CWC27: variants seen among roughly 807,000 people sequenced by gnomAD.
The protein encoded by CWC27 is CWC27 spliceosome associated cyclophilin.
Under a neutral mutation model 63.6 loss-of-function variants are expected in CWC27, and 47 were observed. The observed-to-expected ratio is 0.74, with a 90% confidence interval of 0.58 to 0.94. The LOEUF (loss-of-function observed/expected upper bound fraction) is 0.94. CWC27 is among the 40% of genes least tolerant of loss of function. The pLI is 0.00. For synonymous variants in CWC27, 175 were observed against 179.8 expected (o/e 0.97, Z 0.22); for missense variants, 495 against 554.3 (o/e 0.89, Z 1.07).
At chr5:64,823,106 A>T (rs1435253462) in intron 10 of CWC27, among the ~76,000 whole-genome samples, 1 of 152,198 alleles carries the variant, frequency 6.6e-6, no homozygotes, top group Non-Finnish European at 1.5e-5. Context: ...CTGCTTCCTC[A>T]TCAGTAAAAT....
At chr5:64,959,930 C>T (rs1169336030) in intron 11 of CWC27, among the ~76,000 whole-genome samples, 1 of 152,154 alleles carries the variant, frequency 6.6e-6, no homozygotes, top group Non-Finnish European at 1.5e-5. Flanking sequence ...AGTTATGATA[C>T]GGTGTGCTTG....
intron 11 of CWC27, among the ~76,000 whole-genome samples, chr5:64,929,933 C>T (rs1748205293): frequency 6.6e-6 from 1 of 151,314 alleles, no homozygotes; most frequent in South Asian, 2.1e-4. Flanking sequence ...ATATTCACAG[C>T]AGCATTATTC....
At chr5:64,802,801 G>T (rs1580618124) in intron 9 of CWC27, among the ~76,000 whole-genome samples, 2 of 152,156 alleles carry the variant, frequency 1.3e-5, no homozygotes. Flanking sequence ...AGGTAATTTG[G>T]AGACATCTGT....
chr5:64,789,065 G>A, intron 7 of CWC27, 45 bp downstream of exon 7: 5 of 1,354,516 alleles, frequency 3.7e-6, no homozygotes, highest in Non-Finnish European at 5.2e-6. Flanking sequence ...AAAGAGATTG[G>A]GGTCTATATC....
intron 10 of CWC27, among the ~76,000 whole-genome samples, chr5:64,871,194 A>T (rs538736908): frequency 2.0e-5 from 3 of 152,308 alleles, no homozygotes; most frequent in Admixed American, 2.0e-4. Context: ...TGCTGATTTT[A>T]TGTCAGATTT....
intron 11 of CWC27, among the ~76,000 whole-genome samples, chr5:64,895,778 T>C (rs11740763): frequency 0.36 from 55,330 of 151,946 alleles, 10,660 homozygotes; most frequent in East Asian, 0.52. Flanking sequence ...ATGAAAAATA[T>C]AATAGTTAAC....
intron 8 of CWC27, among the ~76,000 whole-genome samples, chr5:64,800,970 G>T (rs1021180211): frequency 6.6e-5 from 10 of 151,940 alleles, no homozygotes; most frequent in Admixed American, 3.3e-4. Flanking sequence ...GGATTTGGGG[G>T]TTTTTTTAGT....
intron 8 of CWC27, 65 bp downstream of exon 8, chr5:64,800,392 T>C: frequency 8.2e-7 from 1 of 1,221,878 alleles, no homozygotes; most frequent in Non-Finnish European, 1.2e-6. Flanking sequence ...TTCTTGCTTC[T>C]TCTGTGAGTA....
chr5:64,810,502 TATTA>T (rs1485047195), intron 10 of CWC27, among the ~76,000 whole-genome samples: 1 of 152,176 alleles, frequency 6.6e-6, no homozygotes, highest in Admixed American at 6.6e-5. Flanking sequence ...GACATTTTAA[TATTA>T]ATTCTTGCAA....
At chr5:64,807,519 A>T (rs1457411840) in intron 10 of CWC27, 1 of 1,437,264 alleles carries the variant, frequency 7.0e-7, no homozygotes, top group Non-Finnish European at 9.1e-7. Flanking sequence ...CGGCACCCTT[A>T]TATCTATTCT....
intron 13 of CWC27, among the ~76,000 whole-genome samples, chr5:64,988,417 A>C (rs894178144): frequency 6.6e-6 from 1 of 152,136 alleles, no homozygotes; most frequent in Non-Finnish European, 1.5e-5. Context: ...GGTCTTATTT[A>C]AATCCTATGA....
chr5:64,828,802 A>T (rs970386740), intron 10 of CWC27, among the ~76,000 whole-genome samples: 3 of 152,114 alleles, frequency 2.0e-5, no homozygotes, highest in Non-Finnish European at 4.4e-5. Context: ...GAAAGTTCCC[A>T]GGCCACTCAC....
At chr5:64,876,343 T>G (rs1165738031) in intron 10 of CWC27, among the ~76,000 whole-genome samples, 1 of 152,154 alleles carries the variant, frequency 6.6e-6, no homozygotes, top group East Asian at 1.9e-4. Context: ...TGGATATCTT[T>G]GTGATTAAAG....
intron 11 of CWC27, among the ~76,000 whole-genome samples, chr5:64,897,958 A>G (rs893297470): frequency 6.6e-6 from 1 of 151,922 alleles, no homozygotes; most frequent in Non-Finnish European, 1.5e-5. Flanking sequence ...ATTTTAATAC[A>G]TTCTCTCAGT....
At chr5:64,844,823 C>T in intron 10 of CWC27, 1 of 446,596 alleles carries the variant, frequency 2.2e-6, no homozygotes, top group Admixed American at 2.4e-5. Context: ...AGCCACTCAA[C>T]TCTGCCACAA....
rs542861897 is a variant in CWC27 at position 64,986,919 on chromosome 5, A to AT, written c.1256+9688dup. 4.6e-5 allele frequency among the ~76,000 whole-genome samples: 7 copies of AT among 152,076 alleles called. No individual in the cohort carries two copies. In the East Asian group the frequency reaches 1.2e-3, roughly 25 times the overall value. ...CTCTGTAATACATCTAAAAAAAATC[A>AT]TTTTTTTCCAGTTTGTTTAGCTTTT... On this transcript the variant is annotated intron_variant, in intron 13 of 13. Transcript: ENST00000381070.
At chr5:64,866,964 T>C (rs1746544607) in intron 10 of CWC27, among the ~76,000 whole-genome samples, 1 of 152,086 alleles carries the variant, frequency 6.6e-6, no homozygotes. Flanking sequence ...TATGACACTT[T>C]TGCTTTGACA....
chr5:64,819,373 T>TA (rs1163806180), intron 10 of CWC27, among the ~76,000 whole-genome samples: 3 of 151,984 alleles, frequency 2.0e-5, no homozygotes, highest in Non-Finnish European at 4.4e-5. Flanking sequence ...AAAATAAAGT[T>TA]AAAAAAGGGT....
chr5:64,817,125 C>T (rs1292412785), intron 10 of CWC27, among the ~76,000 whole-genome samples: 7 of 152,170 alleles, frequency 4.6e-5, no homozygotes, highest in Non-Finnish European at 2.9e-5. Context: ...TTTTTGCTCA[C>T]TTTGCACCAA....
Sources: allele counts gnomAD v4.1 joint callset (sites outside exome capture counted in the v4.1 genomes callset), GRCh38; gene constraint gnomAD v4.1.1; transcripts MANE v1.5; gene names NCBI Gene and HGNC (gene_info 2026-07-23, HGNC 2026-07-21).